The following DSCAM variants were observed in gnomAD, a reference collection of about 807,000 sequenced individuals.
DSCAM encodes cell adhesion molecule DSCAM.
Under a neutral mutation model 217.7 loss-of-function variants are expected in DSCAM, and 47 were observed. The observed-to-expected ratio is 0.22, with a 90% confidence interval of 0.17 to 0.28. The LOEUF (loss-of-function observed/expected upper bound fraction) is 0.28, where lower values mean the gene tolerates loss of function less well. Ranked by LOEUF, DSCAM falls within the 10% of genes least tolerant of loss-of-function variation. DSCAM has a pLI of 1.00. For missense variants in DSCAM, 2,080 were observed against 2,618.3 expected (o/e 0.79, Z 4.49); for synonymous variants, 1,056 against 1,015.3 (o/e 1.04, Z -0.76).
chr21:40,190,887 T>C (rs573209744), intron 11 of DSCAM, among the ~76,000 whole-genome samples: 1 of 152,326 alleles, frequency 6.6e-6, no homozygotes, highest in South Asian at 2.1e-4. Flanking sequence ...AAAATAACTA[T>C]GCAAGAATGT....
At chr21:40,709,680 T>C (rs2090756732) in intron 1 of DSCAM, among the ~76,000 whole-genome samples, 1 of 152,232 alleles carries the variant, frequency 6.6e-6, no homozygotes, top group Non-Finnish European at 1.5e-5. Context: ...CATCGTTTTT[T>C]ATGGCTGCAT....
At chr21:40,578,936 T>C (rs2076880041) in intron 3 of DSCAM, among the ~76,000 whole-genome samples, 1 of 152,118 alleles carries the variant, frequency 6.6e-6, no homozygotes, top group Non-Finnish European at 1.5e-5. Context: ...AAACATAGTG[T>C]GGATGAAGAT....
intron 3 of DSCAM, among the ~76,000 whole-genome samples, chr21:40,547,114 C>T (rs1485592781): frequency 1.3e-5 from 2 of 152,154 alleles, no homozygotes; most frequent in Non-Finnish European, 2.9e-5. Context: ...TCTCTGTCCC[C>T]AACCCTGTCT....
At chr21:40,611,301 C>T (rs1036950571) in intron 3 of DSCAM, among the ~76,000 whole-genome samples, 2 of 152,048 alleles carry the variant, frequency 1.3e-5, no homozygotes, top group African/African-American at 4.8e-5. Flanking sequence ...TCATGATTTG[C>T]CTGCCTTGGC....
At chr21:40,221,493 A>G (rs2091289065) in intron 11 of DSCAM, among the ~76,000 whole-genome samples, 1 of 149,092 alleles carries the variant, frequency 6.7e-6, no homozygotes. Context: ...TACATATTAT[A>G]TATAATATAC....
chr21:40,723,656 G>C (rs2090925920), intron 1 of DSCAM, among the ~76,000 whole-genome samples: 1 of 152,038 alleles, frequency 6.6e-6, no homozygotes, highest in African/African-American at 2.4e-5. Flanking sequence ...AAAATATTAT[G>C]GTTTTCATAC....
chr21:40,643,077 A>C (rs2089902923), intron 3 of DSCAM, among the ~76,000 whole-genome samples: 1 of 152,150 alleles, frequency 6.6e-6, no homozygotes, highest in South Asian at 2.1e-4. Context: ...TAGAGGGATG[A>C]GTGGCGGGGT....
chr21:40,661,364 A>C (rs1275359152), intron 3 of DSCAM, among the ~76,000 whole-genome samples: 1 of 152,200 alleles, frequency 6.6e-6, no homozygotes, highest in African/African-American at 2.4e-5. Context: ...TGTTGGGCTT[A>C]AGTACCTGGT....
At chr21:40,176,284 C>T (rs1231071050) in intron 15 of DSCAM, among the ~76,000 whole-genome samples, 1 of 152,040 alleles carries the variant, frequency 6.6e-6, no homozygotes, top group Non-Finnish European at 1.5e-5. Flanking sequence ...GGGCATTGGG[C>T]TCTGGGGAGT....
intron 3 of DSCAM, among the ~76,000 whole-genome samples, chr21:40,516,496 T>G (rs1166861998): frequency 6.6e-6 from 1 of 152,102 alleles, no homozygotes; most frequent in Non-Finnish European, 1.5e-5. Context: ...GTTTAATGCC[T>G]CTCTCCATGG....
chr21:40,239,093 T>TA (rs2073115096), intron 11 of DSCAM, among the ~76,000 whole-genome samples: 1 of 152,212 alleles, frequency 6.6e-6, no homozygotes. Flanking sequence ...TATGATGGAT[T>TA]ACCATCATTT....
intron 8 of DSCAM, among the ~76,000 whole-genome samples, chr21:40,316,634 T>C (rs74351971): frequency 6.6e-6 from 1 of 152,098 alleles, no homozygotes; most frequent in Non-Finnish European, 1.5e-5. Context: ...AAATCCTGAA[T>C]ATGACACACA....
intron 4 of DSCAM, among the ~76,000 whole-genome samples, chr21:40,360,136 T>G (rs1388115493): frequency 1.5e-5 from 2 of 136,552 alleles, no homozygotes; most frequent in Admixed American, 1.5e-4. Context: ...TTTTTTTTTT[T>G]TTTTTTTTTT....
chr21:40,101,237 A>T (rs899093461), intron 20 of DSCAM, among the ~76,000 whole-genome samples: 8 of 152,206 alleles, frequency 5.3e-5, no homozygotes, highest in Admixed American at 5.2e-4. Context: ...GTTATTTCTC[A>T]TCTAAAATGT....
At chr21:40,067,822 C>T (rs1045321451) in intron 27 of DSCAM, among the ~76,000 whole-genome samples, 2 of 147,204 alleles carry the variant, frequency 1.4e-5, no homozygotes, top group Non-Finnish European at 3.0e-5. Flanking sequence ...TTTTCTGATT[C>T]AAATAGCATT....
chr21:40,748,932 T>C (rs1227781521), intron 1 of DSCAM, among the ~76,000 whole-genome samples: 1 of 152,116 alleles, frequency 6.6e-6, no homozygotes, highest in Non-Finnish European at 1.5e-5. Context: ...AATATATGTA[T>C]GTATATCCAA....
intron 11 of DSCAM, among the ~76,000 whole-genome samples, chr21:40,254,394 G>A (rs949144450): frequency 6.6e-6 from 1 of 152,138 alleles, no homozygotes; most frequent in Non-Finnish European, 1.5e-5. Context: ...GGTGATGGGA[G>A]CAAATTTAAA....
At chr21:40,609,308 TAGAA>T (rs2089282525) in intron 3 of DSCAM, among the ~76,000 whole-genome samples, 1 of 152,218 alleles carries the variant, frequency 6.6e-6, no homozygotes, top group Non-Finnish European at 1.5e-5. Flanking sequence ...CAGATGGGTT[TAGAA>T]AGAGTGAAAC....
intron 1 of DSCAM, among the ~76,000 whole-genome samples, chr21:40,787,575 TC>T (rs1235307361): frequency 6.6e-6 from 1 of 152,228 alleles, no homozygotes; most frequent in Non-Finnish European, 1.5e-5. Context: ...TTATTTATAC[TC>T]ACTTTTATTC....
Sources: allele counts gnomAD v4.1 joint callset (sites outside exome capture counted in the v4.1 genomes callset), GRCh38; gene constraint gnomAD v4.1.1; transcripts MANE v1.5; gene names NCBI Gene and HGNC (gene_info 2026-07-23, HGNC 2026-07-21).